The following PRKCE variants were observed in gnomAD, a reference collection of about 807,000 sequenced individuals.
PRKCE encodes protein kinase C epsilon.
Under a neutral mutation model 85.4 loss-of-function variants are expected in PRKCE, and 16 were observed. The ratio of observed to expected loss-of-function variants is 0.19; its 90% CI spans 0.13 to 0.28. PRKCE has a LOEUF of 0.28. Among genes scored for constraint, PRKCE ranks in the 10% least tolerant of loss-of-function variants. PRKCE has a pLI of 1.00. For missense variants in PRKCE, 573 were observed against 975.2 expected (o/e 0.59, Z 5.49); for synonymous variants, 388 against 371.5 (o/e 1.04, Z -0.51).
At chr2:46,042,940 C>T (rs1708298814) in intron 10 of PRKCE, among the ~76,000 whole-genome samples, 1 of 152,186 alleles carries the variant, frequency 6.6e-6, no homozygotes, top group Admixed American at 6.5e-5. Context: ...ACCACATTGG[C>T]CTCTGTGTAG....
At chr2:46,097,388 C>T (rs932850111) in intron 11 of PRKCE, among the ~76,000 whole-genome samples, 6 of 151,894 alleles carry the variant, frequency 4.0e-5, no homozygotes, top group African/African-American at 7.3e-5. Context: ...GGCGTGGTGG[C>T]GGGCGTCTGT....
chr2:45,865,243 T>C (rs1283786790), intron 2 of PRKCE, among the ~76,000 whole-genome samples: 1 of 152,180 alleles, frequency 6.6e-6, no homozygotes, highest in Non-Finnish European at 1.5e-5. Context: ...CAACCCTCTT[T>C]AATCAATTGG....
intron 4 of PRKCE, 116 bp downstream of exon 4, chr2:45,979,126 A>G (rs879354662): frequency 2.0e-6 from 2 of 981,310 alleles, no homozygotes; most frequent in African/African-American, 1.6e-5. Context: ...CACAGCTTGC[A>G]TGCTTTCTTT....
chr2:45,817,419 C>A (rs909991571), intron 1 of PRKCE, among the ~76,000 whole-genome samples: 3 of 152,106 alleles, frequency 2.0e-5, no homozygotes, highest in African/African-American at 7.2e-5. Flanking sequence ...TCCGGCTGGG[C>A]GCGGTGGCTC....
At chr2:45,718,158 C>G (rs1680301375) in intron 1 of PRKCE, among the ~76,000 whole-genome samples, 1 of 152,004 alleles carries the variant, frequency 6.6e-6, no homozygotes, top group African/African-American at 2.4e-5. Context: ...TAGTTGCTTC[C>G]CTGGCCTCTG....
chr2:45,782,976 C>T (rs1352658819), intron 1 of PRKCE, among the ~76,000 whole-genome samples: 1 of 152,150 alleles, frequency 6.6e-6, no homozygotes, highest in Non-Finnish European at 1.5e-5. Context: ...TATTTCATTA[C>T]TTTTTTGTCC....
At chr2:46,074,429 C>CAAAAA (rs11287357) in intron 10 of PRKCE, among the ~76,000 whole-genome samples, 23 of 93,806 alleles carry the variant, frequency 2.5e-4, no homozygotes, top group Admixed American at 3.5e-4. Flanking sequence ...CAACAACAAC[C>CAAAAA]AAAAAAAAAA....
At chr2:45,912,380 G>A (rs576378878) in intron 2 of PRKCE, among the ~76,000 whole-genome samples, 1 of 152,270 alleles carries the variant, frequency 6.6e-6, no homozygotes, top group South Asian at 2.1e-4. Flanking sequence ...CAGGTACAAG[G>A]AGGGTGAGAG....
Position 45,687,678 on chromosome 2 carries a change from G to A in PRKCE, c.348+35230G>A, listed in dbSNP as rs1407196015. ...TTTGCTTATCTGTAAGGTGGCAATA[G>A]GGATTCTAGTTTCCTGACACTTGAA... is the stretch of plus-strand genomic sequence containing the variant. On this transcript the variant is annotated intron_variant, in intron 1 of 14. Transcript: ENST00000306156. Among the ~76,000 whole-genome samples, 4 of 152,200 alleles carry A rather than the reference G, an allele frequency of 2.6e-5. No homozygotes were observed. The South Asian group carries it at 8.3e-4, about 32-fold the overall frequency.
rs1465048859 is a variant in PRKCE at position 45,808,126 on chromosome 2, C to T, written c.349-34874C>T. On this transcript the variant is annotated intron_variant, in intron 1 of 14. Transcript: ENST00000306156. ...TGTAACCCTCACCACCTGAGCCTCA[C>T]ACTGCCACTTTTATTGGCAGTTAAC... Among the ~76,000 whole-genome samples, 10 of 152,080 alleles carry T rather than the reference C, an allele frequency of 6.6e-5. No individual in the cohort carries two copies. In the East Asian group the frequency reaches 1.9e-3, roughly 30 times the overall value.
At chr2:45,834,467 C>T (rs1362446115) in intron 1 of PRKCE, among the ~76,000 whole-genome samples, 1 of 152,182 alleles carries the variant, frequency 6.6e-6, no homozygotes, top group Non-Finnish European at 1.5e-5. Flanking sequence ...ATAAGGCCTC[C>T]TTTCCTGATT....
intron 2 of PRKCE, among the ~76,000 whole-genome samples, chr2:45,947,164 G>T (rs1288489835): frequency 3.3e-5 from 5 of 152,244 alleles, no homozygotes; most frequent in African/African-American, 9.6e-5. Flanking sequence ...TCTGAGACAT[G>T]CTACAATATG....
intron 2 of PRKCE, among the ~76,000 whole-genome samples, chr2:45,867,779 A>T (rs1053187069): frequency 2.0e-5 from 3 of 152,044 alleles, no homozygotes; most frequent in African/African-American, 7.2e-5. Context: ...GTTCAAATTT[A>T]TTGCTGGCAT....
intron 13 of PRKCE, among the ~76,000 whole-genome samples, chr2:46,158,941 C>G (rs911626976): frequency 2.6e-5 from 4 of 152,126 alleles, no homozygotes; most frequent in African/African-American, 9.7e-5. Context: ...ATATAAAACA[C>G]ATCAATGTGA....
chr2:45,975,599 C>G (rs1278632904), intron 2 of PRKCE, among the ~76,000 whole-genome samples: 1 of 152,190 alleles, frequency 6.6e-6, no homozygotes, highest in Non-Finnish European at 1.5e-5. Context: ...GGGGTTAAGA[C>G]TTTAATGTAT....
At chr2:46,160,391 G>T (rs1471494315) in intron 14 of PRKCE, among the ~76,000 whole-genome samples, 1 of 152,344 alleles carries the variant, frequency 6.6e-6, no homozygotes, top group East Asian at 1.9e-4. Context: ...CTTTCAGTCT[G>T]GGCTCGACTC....
intron 1 of PRKCE, among the ~76,000 whole-genome samples, chr2:45,778,605 T>C (rs1685944315): frequency 6.6e-6 from 1 of 152,164 alleles, no homozygotes; most frequent in Admixed American, 6.5e-5. Context: ...GGTTTCATTA[T>C]TGGTTTTTAG....
intron 2 of PRKCE, among the ~76,000 whole-genome samples, chr2:45,926,321 T>C (rs913965216): frequency 6.6e-6 from 1 of 152,200 alleles, no homozygotes; most frequent in Non-Finnish European, 1.5e-5. Context: ...GCAACTGCCA[T>C]ACATAACCAC....
chr2:45,896,346 A>G (rs1696138740), intron 2 of PRKCE, among the ~76,000 whole-genome samples: 3 of 152,184 alleles, frequency 2.0e-5, no homozygotes, highest in African/African-American at 4.8e-5. Context: ...TGCTTGTGCC[A>G]TTGCACCTAG....
Sources: allele counts gnomAD v4.1 joint callset (sites outside exome capture counted in the v4.1 genomes callset), GRCh38; gene constraint gnomAD v4.1.1; transcripts MANE v1.5; gene names NCBI Gene and HGNC (gene_info 2026-07-23, HGNC 2026-07-21).